ARMH3: variants seen among roughly 807,000 people sequenced by gnomAD.
The protein encoded by ARMH3 is armadillo-like helical domain-containing protein 3.
ARMH3 carries 60 observed loss-of-function variants against 99.1 expected under a neutral mutation model. The observed-to-expected ratio is 0.61, with a 90% CI of 0.49 to 0.75. The LOEUF (loss-of-function observed/expected upper bound fraction) is 0.75, where lower values mean the gene tolerates loss of function less well. ARMH3 is among the 30% of genes least tolerant of loss of function. The pLI is 0.00. For missense variants in ARMH3, 679 were observed against 843.1 expected (o/e 0.81, Z 2.41); for synonymous variants, 285 against 292.8 (o/e 0.97, Z 0.27).
intron 1 of ARMH3, among the ~76,000 whole-genome samples, chr10:102,048,742 T>A (rs1590238580): frequency 6.6e-6 from 1 of 152,112 alleles, no homozygotes; most frequent in African/African-American, 2.4e-5. Context: ...CATGTTTATA[T>A]CAAGCCAGCA....
At chr10:101,864,948 A>AT (rs914323106) in intron 24 of ARMH3, among the ~76,000 whole-genome samples, 8 of 151,672 alleles carry the variant, frequency 5.3e-5, no homozygotes, top group Admixed American at 1.3e-4. Flanking sequence ...AAAAAAAAAA[A>AT]TTTTTTTTTA....
intron 4 of ARMH3, among the ~76,000 whole-genome samples, chr10:102,031,605 A>T (rs1431175656): frequency 1.3e-5 from 2 of 152,234 alleles, no homozygotes; most frequent in Non-Finnish European, 2.9e-5. Flanking sequence ...CATCAACTCA[A>T]GAGGTAATTA....
At chr10:101,981,082 G>C (rs1328046414) in intron 19 of ARMH3, among the ~76,000 whole-genome samples, 1 of 151,312 alleles carries the variant, frequency 6.6e-6, no homozygotes, top group Non-Finnish European at 1.5e-5. Context: ...TGAGGGGAGG[G>C]AACTCGGAGG....
intron 20 of ARMH3, among the ~76,000 whole-genome samples, chr10:101,960,318 T>G (rs1053666613): frequency 6.6e-6 from 1 of 152,200 alleles, no homozygotes; most frequent in African/African-American, 2.4e-5. Context: ...ATAATCTCCT[T>G]GACTTTGCAC....
intron 20 of ARMH3, among the ~76,000 whole-genome samples, chr10:101,960,983 C>T (rs1845275222): frequency 6.6e-6 from 1 of 151,934 alleles, no homozygotes; most frequent in African/African-American, 2.4e-5. Flanking sequence ...AAATGGTGTG[C>T]TTAGATCTGC....
rs143450308 is a variant in ARMH3 at position 101,910,873 on chromosome 10, C to T, written c.1782-21383G>A. 7.2e-3 allele frequency among the ~76,000 whole-genome samples: 1,094 copies of T among 151,702 alleles called. 10 individuals carry two copies. The highest frequency in any genetic ancestry group is 0.011 in the Non-Finnish European group (734 of 67,882). On this transcript the variant is annotated intron_variant, in intron 23 of 25. Transcript: ENST00000370033. ...TGAGAATGTGGGCTGGGCGCGGTGA[C>T]TCATGCCTGTAATCCCAGCACTTTG... is the stretch of plus-strand genomic sequence containing the variant.
intron 18 of ARMH3, among the ~76,000 whole-genome samples, chr10:101,991,529 C>T (rs1050848231): frequency 2.6e-5 from 4 of 152,056 alleles, no homozygotes; most frequent in African/African-American, 4.8e-5. Flanking sequence ...TACAGGCGCA[C>T]GCCAACACGA....
At chr10:101,954,013 G>A (rs560225344) in intron 22 of ARMH3, among the ~76,000 whole-genome samples, 5 of 152,172 alleles carry the variant, frequency 3.3e-5, no homozygotes, top group East Asian at 3.9e-4. Flanking sequence ...GCAACATGGC[G>A]AAACCCTGTC....
At chr10:101,986,096 ACT>A (rs1428376888) in intron 19 of ARMH3, among the ~76,000 whole-genome samples, 1 of 152,010 alleles carries the variant, frequency 6.6e-6, no homozygotes, top group Non-Finnish European at 1.5e-5. Flanking sequence ...TGGCAGAATG[ACT>A]CTAAATTTAG....
At position 101,847,452 on chromosome 10, in the gene ARMH3, C is replaced by T; in HGVS notation, c.*76G>A. On this transcript the variant is annotated 3_prime_UTR_variant, in exon 26 of 26. Coordinates refer to ENST00000370033, the MANE Select transcript of ARMH3 (RefSeq NM_024541.3). ...TCTCTCCAACCTCGGGGGCAGCCCC[C>T]TCTCCCCTCGCTCCCCCTCCAGCCC... The T allele has an allele frequency of 6.8e-7, 1 of 1,464,564 alleles. No homozygotes were observed. The highest frequency in any genetic ancestry group is 1.1e-5 in the South Asian group (1 of 87,572). The allele number at this position is 1,464,564 out of a possible 1,614,324, so 90.7% of individuals were successfully genotyped here. A position where few individuals can be genotyped will look rare whatever the true frequency, so the allele number is the denominator to read the frequency against.
At chr10:101,902,169 T>C (rs1282834128) in intron 23 of ARMH3, among the ~76,000 whole-genome samples, 2 of 152,166 alleles carry the variant, frequency 1.3e-5, no homozygotes, top group Non-Finnish European at 2.9e-5. Flanking sequence ...GCAAATAATT[T>C]TGAGAGTCAA....
chr10:101,901,233 T>A (rs2067969041), intron 23 of ARMH3, among the ~76,000 whole-genome samples: 1 of 147,326 alleles, frequency 6.8e-6, no homozygotes, highest in African/African-American at 2.5e-5. Context: ...GCAGTGGTCC[T>A]GATGTTCACA....
chr10:101,898,111 G>C (rs2067884394), intron 23 of ARMH3, among the ~76,000 whole-genome samples: 1 of 152,092 alleles, frequency 6.6e-6, no homozygotes, highest in Non-Finnish European at 1.5e-5. Flanking sequence ...CAGGCACGGT[G>C]GCTCTCCCCT....
At chr10:102,011,494 C>T (rs2066627094) in intron 11 of ARMH3, among the ~76,000 whole-genome samples, 1 of 151,878 alleles carries the variant, frequency 6.6e-6, no homozygotes, top group Non-Finnish European at 1.5e-5. Flanking sequence ...TTCCCCATCT[C>T]ACTTGGTTTT....
At chr10:101,892,126 C>T (rs536067903) in intron 23 of ARMH3, among the ~76,000 whole-genome samples, 2 of 151,432 alleles carry the variant, frequency 1.3e-5, no homozygotes, top group East Asian at 3.9e-4. Flanking sequence ...CAAAAAACCC[C>T]ACCCAAAATC....
At chr10:101,870,062 A>C (rs1212975045) in intron 24 of ARMH3, among the ~76,000 whole-genome samples, 5 of 152,156 alleles carry the variant, frequency 3.3e-5, no homozygotes, top group Non-Finnish European at 7.3e-5. Context: ...AATAACAGAA[A>C]ACCAATGAAA....
chr10:101,870,396 T>C (rs939950646), intron 24 of ARMH3, among the ~76,000 whole-genome samples: 3 of 152,206 alleles, frequency 2.0e-5, no homozygotes, highest in Non-Finnish European at 2.9e-5. Context: ...TATACTGATA[T>C]ATGCATTTTA....
intron 23 of ARMH3, among the ~76,000 whole-genome samples, chr10:101,923,134 A>G (rs1208982144): frequency 6.6e-6 from 1 of 152,234 alleles, no homozygotes; most frequent in Non-Finnish European, 1.5e-5. Context: ...GAAATGTATA[A>G]TCGAGGTAAA....
At chr10:101,970,694 A>G (rs2135896700) in intron 20 of ARMH3, among the ~76,000 whole-genome samples, 1 of 151,944 alleles carries the variant, frequency 6.6e-6, no homozygotes, top group African/African-American at 2.4e-5. Context: ...GCATGGTAGT[A>G]CGCATCTGTA....
Sources: allele counts gnomAD v4.1 joint callset (sites outside exome capture counted in the v4.1 genomes callset), GRCh38; gene constraint gnomAD v4.1.1; transcripts MANE v1.5; gene names NCBI Gene and HGNC (gene_info 2026-07-23, HGNC 2026-07-21).